The following BRD3 variants were observed in gnomAD, a reference collection of about 807,000 sequenced individuals.
The protein encoded by BRD3 is bromodomain-containing protein 3.
In BRD3, 17 loss-of-function variants were observed where a neutral mutation model predicts 66.8. The observed-to-expected ratio is 0.25, with a 90% CI of 0.17 to 0.38. The LOEUF (loss-of-function observed/expected upper bound fraction) is 0.38, where lower values mean the gene tolerates loss of function less well. Ranked by LOEUF, BRD3 falls within the 10% of genes least tolerant of loss-of-function variation. The pLI is 1.00. For synonymous variants in BRD3, 421 were observed against 393.2 expected, an observed-to-expected ratio of 1.07 and a Z score of -0.84; for missense variants, 713 against 956.1, an observed-to-expected ratio of 0.75 and a Z score of 3.35.
In BRD3 at chr9:134,033,658, T is replaced by C; in HGVS notation, c.2113A>G (p.Ser705Gly). ...PSGGPSRLSS[S>G]SSSESGSSSS... Reference sequence around the variant, plus strand: ...CTGCTCCCAGACTCGGAGGAGCTGCTGCTGCTGAGCCTGGACGGGCCCCCT... The same window carrying C: ...CTGCTCCCAGACTCGGAGGAGCTGCCGCTGCTGAGCCTGGACGGGCCCCCT... The change falls in exon 12 of 12, where the codon AGC becomes GGC. Residue 705 changes from serine to glycine, a missense_variant. Transcript: ENST00000303407. This position sits in a 1 kb window ranked among gnomAD's most constrained non-coding sequence, Gnocchi z 5.1. 1 of 769,096 alleles carries C rather than the reference T, an allele frequency of 1.3e-6. No homozygotes were observed. Among genetic ancestry groups the C allele is most frequent in the Middle Eastern group, 2.3e-4 (1 of 4,410 alleles). 47.6% of individuals were successfully genotyped at this position (769,096 alleles called of 1,614,324 possible). A position where few individuals can be genotyped will look rare whatever the true frequency, so the allele number is the denominator to read the frequency against.
chr9:134,032,772 A>C lies in BRD3; in HGVS notation c.*818T>G, dbSNP rs897028230. ...CGGCAGCAGCAGCAGGGGCAGCGCTAGCCAGGCGGGGACTCACAGCGGGCT... is the reference window on the plus strand; with the variant it reads ...CGGCAGCAGCAGCAGGGGCAGCGCTCGCCAGGCGGGGACTCACAGCGGGCT... On this transcript the variant is annotated 3_prime_UTR_variant, in exon 12 of 12. Transcript: ENST00000303407. The C allele has an allele frequency of 2.9e-5, 7 of 243,688 alleles. No homozygotes were observed. The highest frequency in any genetic ancestry group is 1.3e-4 in the African/African-American group (6 of 45,612). 15.1% of individuals were successfully genotyped at this position (243,688 alleles called of 1,614,324 possible).
intron 7 of BRD3, among the ~76,000 whole-genome samples, chr9:134,043,666 T>A (rs1341360323): frequency 6.6e-6 from 1 of 152,078 alleles, no homozygotes; most frequent in Non-Finnish European, 1.5e-5. Context: ...GCTCAACTGA[T>A]AAAATTGCAC....
chr9:134,035,115 G>T (rs1168676592), intron 10 of BRD3, among the ~76,000 whole-genome samples: 1 of 152,192 alleles, frequency 6.6e-6, no homozygotes, highest in Non-Finnish European at 1.5e-5. Flanking sequence ...GCGCAAACAG[G>T]TGCACGGACA....
At position 134,052,293 on chromosome 9, in the gene BRD3, C is replaced by T. The variant is rs764335626; in HGVS notation, c.351+13G>A. ...CTTACTGCAAGCGGCGTGCCAGGCC[C>T]GCATCTTCTTACCTTGTTATAAATG... is the stretch of plus-strand genomic sequence containing the variant. On this transcript the variant is annotated intron_variant, in intron 3 of 11. Coordinates refer to ENST00000303407, the MANE Select transcript of BRD3 (RefSeq NM_007371.4). 20 of 1,611,026 alleles carry T rather than the reference C, an allele frequency of 1.2e-5. No homozygotes were observed. The highest frequency in any genetic ancestry group is 1.7e-5 in the Admixed American group (1 of 59,910).
At chr9:134,067,436 C>T (rs1389010128) in intron 1 of BRD3, among the ~76,000 whole-genome samples, 1 of 149,864 alleles carries the variant, frequency 6.7e-6, no homozygotes, top group East Asian at 1.9e-4. Flanking sequence ...GCGGAACAGG[C>T]GCGGGGAAAG....
At chr9:134,036,373 C>A in intron 9 of BRD3, 49 bp from the exon 10 acceptor site, 1 of 1,567,802 alleles carries the variant, frequency 6.4e-7, no homozygotes, top group Non-Finnish European at 8.6e-7. Context: ...GTCTACCTGC[C>A]GTGGGAGCCC....
At chr9:134,051,443 A>G in intron 4 of BRD3, 119 bp downstream of exon 4, 1 of 1,115,012 alleles carries the variant, frequency 9.0e-7, no homozygotes, top group East Asian at 3.1e-5. Context: ...CCCGGCACCC[A>G]CGAGCTCGTC....
Position 134,034,690 on chromosome 9 carries a change from G to A in BRD3, c.2065+11C>T, listed in dbSNP as rs767879281. The A allele has an allele frequency of 7.5e-6, 12 of 1,602,264 alleles. No homozygotes were observed. Among genetic ancestry groups the A allele is most frequent in the South Asian group, 4.4e-5 (4 of 91,084 alleles). On this transcript the variant is annotated intron_variant, in intron 11 of 11. Transcript: ENST00000303407. ...CCTAAAGAGGGGTGGCACAGCGGCC[G>A]CCAGCGGTACCTTTCCGGGCGGGCT...
At chr9:134,046,405 C>T (rs1247774326) in intron 6 of BRD3, among the ~76,000 whole-genome samples, 1 of 152,202 alleles carries the variant, frequency 6.6e-6, no homozygotes, top group African/African-American at 2.4e-5. Context: ...TCTACCCCGA[C>T]CGCTCTGTGG....
At chr9:134,067,120 T>C (rs1017884133) in intron 1 of BRD3, among the ~76,000 whole-genome samples, 5 of 152,176 alleles carry the variant, frequency 3.3e-5, no homozygotes, top group Admixed American at 1.3e-4. Context: ...TTGTATCACG[T>C]TGTCACTCCG....
At chr9:134,048,621 G>A (rs962113430) in intron 5 of BRD3, among the ~76,000 whole-genome samples, 167 bp from the exon 6 acceptor site, 7 of 152,180 alleles carry the variant, frequency 4.6e-5, no homozygotes, top group African/African-American at 7.2e-5. Context: ...CATGTCACTG[G>A]CCCAAGGTCA....
intron 1 of BRD3, among the ~76,000 whole-genome samples, chr9:134,063,203 C>T (rs1011298314): frequency 6.6e-6 from 1 of 152,252 alleles, no homozygotes; most frequent in Admixed American, 6.5e-5. Flanking sequence ...GACTGCAGGA[C>T]GCCCCCAGGC....
intron 5 of BRD3, among the ~76,000 whole-genome samples, chr9:134,048,679 G>GAAACCC (rs1240151655): frequency 6.6e-6 from 1 of 152,166 alleles, no homozygotes; most frequent in Admixed American, 6.5e-5. Context: ...GATCAACTCT[G>GAAACCC]AAACCCGCCC....
At chr9:134,047,021 G>A (rs1467226981) in intron 6 of BRD3, among the ~76,000 whole-genome samples, 1 of 152,220 alleles carries the variant, frequency 6.6e-6, no homozygotes, top group Non-Finnish European at 1.5e-5. Flanking sequence ...GAGGCTCCTG[G>A]CAGCTTCTGG....
intron 1 of BRD3, among the ~76,000 whole-genome samples, chr9:134,060,768 T>TGA: frequency 6.6e-6 from 1 of 152,130 alleles, no homozygotes; most frequent in African/African-American, 2.4e-5. Context: ...GGAATGTTGG[T>TGA]GAGGTGGCCC....
chr9:134,050,240 G>C (rs934134473), intron 5 of BRD3, 134 bp downstream of exon 5: 2 of 779,748 alleles, frequency 2.6e-6, no homozygotes, highest in African/African-American at 3.5e-5. Flanking sequence ...TGAGCTCCCA[G>C]GGCGCAGAGA....
At chr9:134,042,570 G>A (rs752641298) in intron 7 of BRD3, among the ~76,000 whole-genome samples, 4 of 151,990 alleles carry the variant, frequency 2.6e-5, no homozygotes, top group African/African-American at 7.2e-5. Flanking sequence ...CCAGGAGGTC[G>A]AGGCTGCAGT....
rs1398897239 is a variant in BRD3 at position 134,031,640 on chromosome 9, C to G, written c.*1950G>C. ...CAGCAATTTAAAAAATGATAATTTA[C>G]CAGCATCTCCTCATCAGAGTTCCCT... On this transcript the variant is annotated 3_prime_UTR_variant, in exon 12 of 12. Coordinates refer to ENST00000303407, the MANE Select transcript of BRD3 (RefSeq NM_007371.4). 1 of 214,050 alleles carries G rather than the reference C, an allele frequency of 4.7e-6. No individual in the cohort carries two copies. Among genetic ancestry groups the G allele is most frequent in the Non-Finnish European group, 9.4e-6 (1 of 106,070 alleles). The allele number at this position is 214,050 out of a possible 1,614,324, so 13.3% of individuals were successfully genotyped here.
At chr9:134,036,659 A>T in intron 9 of BRD3, 2 of 1,217,596 alleles carry the variant, frequency 1.6e-6, no homozygotes. Flanking sequence ...CAGAGGAAAA[A>T]GAAAATAATA....
Sources: gnomAD v4.1 joint callset for allele counts (sites outside exome capture counted in the v4.1 genomes callset) on GRCh38, gnomAD v4.1.1 for gene constraint, Gnocchi (gnomAD v3.1) non-coding constraint, MANE v1.5 for transcripts, NCBI Gene and HGNC (gene_info 2026-07-23, HGNC 2026-07-21) for gene names.